The following KATNAL1 variants were observed in gnomAD, a reference collection of about 807,000 sequenced individuals.
KATNAL1 encodes katanin p60 ATPase-containing subunit A-like 1.
KATNAL1 carries 32 observed loss-of-function variants against 55.2 expected under a neutral mutation model. The ratio of observed to expected loss-of-function variants is 0.58; its 90% CI spans 0.44 to 0.78. KATNAL1 has a LOEUF of 0.78. Ranked by LOEUF, KATNAL1 falls within the 30% of genes least tolerant of loss-of-function variation. The pLI, the probability that KATNAL1 is intolerant of heterozygous loss-of-function variation, is 0.00. For synonymous variants in KATNAL1, 193 were observed against 193.6 expected (o/e 1.00, Z 0.02); for missense variants, 466 against 600.9 (o/e 0.78, Z 2.35).
chr13:30,262,384 G>C (rs906596600), intron 3 of KATNAL1, among the ~76,000 whole-genome samples: 8 of 152,002 alleles, frequency 5.3e-5, no homozygotes, highest in Non-Finnish European at 2.9e-5. Flanking sequence ...AGAACTGAAG[G>C]AAATAGAGAC....
chr13:30,251,502 T>C (rs141213693), intron 4 of KATNAL1, among the ~76,000 whole-genome samples: 1 of 152,288 alleles, frequency 6.6e-6, no homozygotes, highest in Non-Finnish European at 1.5e-5. Context: ...AGGGAGCCTG[T>C]TGGCCCCTTC....
intron 1 of KATNAL1, among the ~76,000 whole-genome samples, chr13:30,298,004 T>G (rs1222472684): frequency 6.6e-6 from 1 of 152,176 alleles, no homozygotes; most frequent in Non-Finnish European, 1.5e-5. Flanking sequence ...ATGTACCCCC[T>G]AAATCTAAAA....
At chr13:30,265,193 A>G (rs1314767366) in intron 3 of KATNAL1, among the ~76,000 whole-genome samples, 3 of 150,218 alleles carry the variant, frequency 2.0e-5, no homozygotes, top group Non-Finnish European at 4.4e-5. Context: ...TGGACACAGG[A>G]AGGGGAACAT....
At chr13:30,257,511 C>T (rs568294761) in intron 3 of KATNAL1, among the ~76,000 whole-genome samples, 3 of 152,306 alleles carry the variant, frequency 2.0e-5, no homozygotes, top group African/African-American at 7.2e-5. Context: ...TTGCTGTGAC[C>T]TCACTGCTCA....
At chr13:30,259,496 C>T (rs1029862880) in intron 3 of KATNAL1, among the ~76,000 whole-genome samples, 9 of 151,850 alleles carry the variant, frequency 5.9e-5, no homozygotes, top group Non-Finnish European at 7.4e-5. Flanking sequence ...AGACAGTGGG[C>T]GCAGGTCAGT....
In KATNAL1 at chr13:30,229,349, C is replaced by T. The variant is rs76084219; in HGVS notation, c.1012+1119G>A. On this transcript the variant is annotated intron_variant, in intron 8 of 10. Transcript: ENST00000380615. ...AGAATGTACCATAATGTATTATACT[C>T]ATCTGATCAGTTGCCTGCTTCCCAT... Among the ~76,000 whole-genome samples, 456 of 152,204 alleles carry T rather than the reference C, an allele frequency of 3.0e-3. 2 individuals are homozygous for T. Among genetic ancestry groups the T allele is most frequent in the African/African-American group, 0.011 (440 of 41,522 alleles).
chr13:30,225,161 A>G (rs1227565125), intron 9 of KATNAL1, among the ~76,000 whole-genome samples: 1 of 152,184 alleles, frequency 6.6e-6, no homozygotes, highest in Admixed American at 6.5e-5. Flanking sequence ...CTCAGTGGAA[A>G]AAAAGAGTTC....
chr13:30,286,027 T>C (rs546773087), intron 1 of KATNAL1, among the ~76,000 whole-genome samples: 3 of 152,328 alleles, frequency 2.0e-5, no homozygotes, highest in East Asian at 1.9e-4. Context: ...CTTAAAAGCA[T>C]ACAGTTTTAA....
intron 1 of KATNAL1, among the ~76,000 whole-genome samples, chr13:30,290,338 T>C (rs1268790568): frequency 6.8e-6 from 1 of 148,052 alleles, no homozygotes; most frequent in South Asian, 2.1e-4. Context: ...AAAAAAAAAA[T>C]ACACATTACC....
intron 1 of KATNAL1, among the ~76,000 whole-genome samples, chr13:30,304,715 G>A (rs1041197913): frequency 2.0e-5 from 3 of 152,044 alleles, no homozygotes; most frequent in African/African-American, 7.2e-5. Context: ...TGCTCTCTCT[G>A]AACTCCAGAC....
rs1159982117 is a variant in KATNAL1 at position 30,207,373 on chromosome 13, C to A, written c.*1167G>T. The A allele has an allele frequency of 6.6e-6, 1 of 152,194 alleles. No homozygotes were observed. The highest frequency in any genetic ancestry group is 1.5e-5 in the Non-Finnish European group (1 of 68,030). 9.4% of individuals were successfully genotyped at this position (152,194 alleles called of 1,614,324 possible). On this transcript the variant is annotated 3_prime_UTR_variant, in exon 11 of 11. Transcript: ENST00000380615. The stretch of plus-strand genomic sequence containing the variant: ...TAAAAGTTCTCAACCTAGACAAGGA[C>A]AAATTTTAGAATTTTCCAATGAACA...
intron 4 of KATNAL1, 36 bp from the exon 5 acceptor site, chr13:30,241,122 A>T: frequency 6.3e-7 from 1 of 1,576,890 alleles, no homozygotes; most frequent in Admixed American, 1.8e-5. Context: ...ACTAGTCAGT[A>T]ATGGATAATT....
chr13:30,277,839 C>T (rs1307971371), intron 3 of KATNAL1, among the ~76,000 whole-genome samples: 6 of 151,118 alleles, frequency 4.0e-5, no homozygotes, highest in Admixed American at 6.6e-5. Flanking sequence ...AAAAATTAGC[C>T]GGGCGTAGTG....
chr13:30,237,613 T>C (rs988128701), intron 6 of KATNAL1, among the ~76,000 whole-genome samples: 5 of 152,320 alleles, frequency 3.3e-5, no homozygotes, highest in Non-Finnish European at 7.4e-5. Context: ...ATCCCAGAGA[T>C]AACGTATTTT....
At chr13:30,213,466 C>A (rs1370109549) in intron 9 of KATNAL1, among the ~76,000 whole-genome samples, 19 of 150,946 alleles carry the variant, frequency 1.3e-4, no homozygotes, top group East Asian at 5.8e-4. Context: ...CAGAGACACA[C>A]CCAAAAAAGA....
chr13:30,266,174 T>C (rs1314016232), intron 3 of KATNAL1, among the ~76,000 whole-genome samples: 2 of 152,072 alleles, frequency 1.3e-5, no homozygotes, highest in African/African-American at 2.4e-5. Context: ...AGCTAATTTC[T>C]GTATTTTTGT....
At chr13:30,298,391 T>G (rs184261608) in intron 1 of KATNAL1, among the ~76,000 whole-genome samples, 1 of 152,354 alleles carries the variant, frequency 6.6e-6, no homozygotes, top group East Asian at 1.9e-4. Flanking sequence ...ATACTAAAAT[T>G]TGTTTATTCA....
At chr13:30,244,754 G>GTAT (rs1877617464) in intron 4 of KATNAL1, among the ~76,000 whole-genome samples, 1 of 152,158 alleles carries the variant, frequency 6.6e-6, no homozygotes. Context: ...ACTACCATCA[G>GTAT]AGAATACTAT....
Position 30,207,439 on chromosome 13 carries a change from T to G in KATNAL1, c.*1101A>C, listed in dbSNP as rs769621032. 6.6e-6 allele frequency: 1 copy of G among 152,262 alleles called. No individual in the cohort carries two copies. The highest frequency in any genetic ancestry group is 2.4e-5 in the African/African-American group (1 of 41,476). 9.4% of individuals were successfully genotyped at this position (152,262 alleles called of 1,614,324 possible). ...GATGCTGTTTTGTTAAACTAGCTGTTTGGAAAACAATAAAGATTTCATTTG... is the reference window on the plus strand; with the variant it reads ...GATGCTGTTTTGTTAAACTAGCTGTGTGGAAAACAATAAAGATTTCATTTG... On this transcript the variant is annotated 3_prime_UTR_variant, in exon 11 of 11. Transcript: ENST00000380615.
Sources: allele counts gnomAD v4.1 joint callset (sites outside exome capture counted in the v4.1 genomes callset), GRCh38; gene constraint gnomAD v4.1.1; transcripts MANE v1.5; gene names NCBI Gene and HGNC (gene_info 2026-07-23, HGNC 2026-07-21).